The following DMD variants were observed in gnomAD, a reference collection of about 807,000 sequenced individuals.
DMD encodes dystrophin.
DMD carries 63 observed loss-of-function variants against 330.1 expected under a neutral mutation model. The observed-to-expected ratio is 0.19, with a 90% CI of 0.16 to 0.24. The LOEUF (loss-of-function observed/expected upper bound fraction) is 0.24. Among genes scored for constraint, DMD ranks in the 10% least tolerant of loss-of-function variants. The pLI is 1.00. For missense variants in DMD, 3,344 were observed against 2,684.1 expected (o/e 1.25, Z -5.43); for synonymous variants, 1,223 against 959.8 (o/e 1.27, Z -5.07).
chrX:32,429,403 T>A (rs1254174566), intron 29 of DMD, among the ~76,000 whole-genome samples: 1 of 84,347 alleles, frequency 1.2e-5, no homozygotes, highest in East Asian at 3.6e-4. Flanking sequence ...TTTTTTTTTT[T>A]TTTTTTTTGT....
chrX:31,588,891 A>C, intron 55 of DMD, among the ~76,000 whole-genome samples: 1 of 80,882 alleles, frequency 1.2e-5, no homozygotes, highest in Non-Finnish European at 2.3e-5. Flanking sequence ...TTTTTTTTTC[A>C]ACTTGGAATC....
At chrX:32,602,490 G>C (rs148186330) in intron 12 of DMD, among the ~76,000 whole-genome samples, 1 of 111,704 alleles carries the variant, frequency 9.0e-6, no homozygotes, top group Non-Finnish European at 1.9e-5. Flanking sequence ...GAAATGCTAT[G>C]CATTGTGCTG....
intron 59 of DMD, among the ~76,000 whole-genome samples, chrX:31,468,563 G>T (rs1436824844): frequency 9.0e-6 from 1 of 111,660 alleles, no homozygotes; most frequent in Non-Finnish European, 1.9e-5. Flanking sequence ...TGCATTTGCT[G>T]AGGAGTGTTT....
At chrX:31,780,944 T>A (rs2090977335) in intron 50 of DMD, among the ~76,000 whole-genome samples, 1 of 112,074 alleles carries the variant, frequency 8.9e-6, no homozygotes, top group Non-Finnish European at 1.9e-5. Flanking sequence ...TATTTCTGGA[T>A]TTAAGAAAAA....
intron 50 of DMD, among the ~76,000 whole-genome samples, chrX:31,817,683 G>A (rs996173118): frequency 2.7e-5 from 3 of 111,405 alleles, no homozygotes; most frequent in Non-Finnish European, 3.8e-5. Flanking sequence ...GCAATGTGGA[G>A]GACATAGGAG....
At chrX:32,656,155 C>G (rs1364520328) in intron 9 of DMD, among the ~76,000 whole-genome samples, 1 of 111,652 alleles carries the variant, frequency 9.0e-6, no homozygotes, top group Non-Finnish European at 1.9e-5. Flanking sequence ...GGCATGTAAC[C>G]AAGTATTGGC....
At chrX:32,049,985 G>A (rs946474665) in intron 44 of DMD, among the ~76,000 whole-genome samples, 8 of 111,269 alleles carry the variant, frequency 7.2e-5, no homozygotes, top group South Asian at 3.7e-4. Flanking sequence ...AAATTATCTC[G>A]TTTAAACAGT....
intron 44 of DMD, among the ~76,000 whole-genome samples, chrX:32,213,279 G>C (rs1030681609): frequency 2.7e-5 from 3 of 112,013 alleles, no homozygotes; most frequent in Admixed American, 1.9e-4. Context: ...TAATTTCATA[G>C]TAAATATTGA....
At chrX:33,281,739 G>A (rs1261717854) in intron 1 of DMD, among the ~76,000 whole-genome samples, 4 of 108,500 alleles carry the variant, frequency 3.7e-5, no homozygotes, top group East Asian at 5.8e-4. Flanking sequence ...TCAATACACA[G>A]GTGCCATTCT....
At chrX:31,340,527 C>T (rs1321659154) in intron 61 of DMD, among the ~76,000 whole-genome samples, 3 of 111,564 alleles carry the variant, frequency 2.7e-5, no homozygotes, top group Non-Finnish European at 3.8e-5. Flanking sequence ...GTGTACATTT[C>T]TGTTATTTTT....
At chrX:32,447,762 T>A (rs1351544106) in intron 27 of DMD, among the ~76,000 whole-genome samples, 1 of 111,958 alleles carries the variant, frequency 8.9e-6, no homozygotes, top group East Asian at 2.8e-4. Context: ...TTTGTGCCCC[T>A]TGGCACAGTA....
chrX:32,409,017 T>C (rs2098131332), intron 30 of DMD, among the ~76,000 whole-genome samples: 2 of 110,900 alleles, frequency 1.8e-5, no homozygotes, highest in Non-Finnish European at 3.8e-5. Flanking sequence ...ACACTGTGCT[T>C]ATGTTATTTC....
chrX:31,486,133 A>T (rs1302778550), intron 57 of DMD, among the ~76,000 whole-genome samples: 1 of 112,992 alleles, frequency 8.9e-6, no homozygotes, highest in Non-Finnish European at 1.9e-5. Context: ...TGTTAAGATC[A>T]TTAATCGGCC....
intron 29 of DMD, among the ~76,000 whole-genome samples, chrX:32,425,040 C>T (rs188218489): frequency 3.6e-5 from 4 of 111,652 alleles, no homozygotes; most frequent in Non-Finnish European, 3.8e-5. Context: ...CAGAAAATTA[C>T]GGGAGAAAGT....
chrX:32,464,788 A>G (rs2098395766), intron 23 of DMD, 89 bp from the exon 24 acceptor site: 1 of 654,097 alleles, frequency 1.5e-6, no homozygotes, highest in Admixed American at 2.3e-5. Flanking sequence ...CACAGGCCCA[A>G]AAACAATTCC....
At position 33,312,836 on chromosome X, in the gene DMD, T is replaced by A. The variant is rs190358409; in HGVS notation, c.7+26423A>T. The stretch of plus-strand genomic sequence containing the variant: ...CTGTAACTCAAGCCTGAAGGAAACT[T>A]ACCTAAGGAACCTATTTTCTTTCTA... On this transcript the variant is annotated intron_variant, in intron 1 of 17. Transcript: ENST00000288447. 2.8e-4 allele frequency among the ~76,000 whole-genome samples: 31 copies of A among 111,725 alleles called. No individual in the cohort carries two copies. In the East Asian group the frequency reaches 8.4e-3, roughly 30 times the overall value.
At chrX:32,188,496 T>G (rs767622087) in intron 44 of DMD, among the ~76,000 whole-genome samples, 5 of 103,694 alleles carry the variant, frequency 4.8e-5, no homozygotes, top group Non-Finnish European at 9.8e-5. Context: ...GGTACATGAA[T>G]AGTCAATTAC....
At chrX:32,732,506 C>G (rs1569497002) in intron 7 of DMD, among the ~76,000 whole-genome samples, 1 of 110,953 alleles carries the variant, frequency 9.0e-6, no homozygotes, top group Non-Finnish European at 1.9e-5. Flanking sequence ...TAAGGGCAGC[C>G]AGAGAGAAAG....
intron 1 of DMD, among the ~76,000 whole-genome samples, chrX:33,153,412 A>AAAAC (rs751536999): frequency 1.8e-4 from 20 of 112,849 alleles, no homozygotes; most frequent in Admixed American, 6.6e-4. Context: ...ACTCGGTCTC[A>AAAAC]AAACAAACAA....
Sources: gnomAD v4.1 joint callset for allele counts (sites outside exome capture counted in the v4.1 genomes callset) on GRCh38, gnomAD v4.1.1 for gene constraint, MANE v1.5 for transcripts, NCBI Gene and HGNC (gene_info 2026-07-23, HGNC 2026-07-21) for gene names.